ABCC1: variants seen among roughly 807,000 people sequenced by gnomAD.
The protein encoded by ABCC1 is multidrug resistance-associated protein 1.
In ABCC1, 83 loss-of-function variants were observed where a neutral mutation model predicts 172.9. The ratio of observed to expected loss-of-function variants is 0.48; its 90% CI spans 0.40 to 0.58. The LOEUF (loss-of-function observed/expected upper bound fraction) is 0.58. Ranked by LOEUF, ABCC1 falls within the 20% of genes least tolerant of loss-of-function variation. ABCC1 has a pLI of 0.00. For synonymous variants in ABCC1, 937 were observed against 825.2 expected (o/e 1.14, Z -2.32); for missense variants, 1,817 against 2,002.7 (o/e 0.91, Z 1.77).
At chr16:15,955,560 T>C (rs1265913278) in intron 1 of ABCC1, among the ~76,000 whole-genome samples, 1 of 152,164 alleles carries the variant, frequency 6.6e-6, no homozygotes, top group Non-Finnish European at 1.5e-5. Context: ...GGCTGCTTTC[T>C]GTCTCACTCT....
chr16:16,045,023 A>G (rs2049144677), intron 8 of ABCC1, among the ~76,000 whole-genome samples: 1 of 152,132 alleles, frequency 6.6e-6, no homozygotes, highest in African/African-American at 2.4e-5. Context: ...GAAACCCACT[A>G]GGCTCCCCTA....
intron 16 of ABCC1, among the ~76,000 whole-genome samples, chr16:16,080,536 G>C (rs2050766099): frequency 6.6e-6 from 1 of 152,152 alleles, no homozygotes; most frequent in Non-Finnish European, 1.5e-5. Flanking sequence ...CCTTTTCCTA[G>C]TGTAACGACA....
chr16:16,009,561 G>A (rs1326079833), intron 2 of ABCC1, among the ~76,000 whole-genome samples: 7 of 152,162 alleles, frequency 4.6e-5, no homozygotes, highest in Non-Finnish European at 1.0e-4. Context: ...GGGCGTAGCA[G>A]GCTGATTACA....
In ABCC1 at chr16:16,136,534, C is replaced by T; in HGVS notation, c.4182C>T (p.Tyr1394=). 6.2e-7 allele frequency: 1 copy of T among 1,614,188 alleles called. No homozygotes were observed. The highest frequency in any genetic ancestry group is 8.5e-7 in the Non-Finnish European group (1 of 1,180,038). ...TGAACCTGGACCCATTCAGCCAGTA[C>T]TCGGATGAAGAAGTCTGGACGTCCC... ...LRMNLDPFSQ[Y]SDEEVWTSLE... Residue 1394 remains tyrosine (Y), a synonymous_variant, in exon 29 of 31, where the codon TAC becomes TAT. Coordinates refer to ENST00000399410, the MANE Select transcript of ABCC1 (RefSeq NM_004996.4).
Position 16,029,877 on chromosome 16 carries a change from A to G in ABCC1, c.616-3232A>G, listed in dbSNP as rs1009378972. Among the ~76,000 whole-genome samples the G allele has an allele frequency of 2.6e-5, 4 of 152,312 alleles. 1 individual carries two copies. The Middle Eastern group carries it at 0.014, about 518-fold the overall frequency. On this transcript the variant is annotated intron_variant, in intron 5 of 30. Coordinates refer to ENST00000399410, the MANE Select transcript of ABCC1 (RefSeq NM_004996.4). ...CAAAAAACATGTATATGTGACTGTA[A>G]TACTAACTTTAATAATAATTCATTA... is the stretch of plus-strand genomic sequence containing the variant.
intron 19 of ABCC1, among the ~76,000 whole-genome samples, chr16:16,094,709 G>T (rs1295103605): frequency 6.6e-6 from 1 of 150,478 alleles, no homozygotes; most frequent in African/African-American, 2.4e-5. Flanking sequence ...TAGAAACGGG[G>T]TTTCACCGTG....
At chr16:16,056,526 G>A (rs1011828318) in intron 12 of ABCC1, 12 of 556,060 alleles carry the variant, frequency 2.2e-5, no homozygotes, top group Non-Finnish European at 3.5e-5. Flanking sequence ...AAAATAAGCC[G>A]GGTGTGGTGG....
At chr16:16,066,581 A>T (rs1417690251) in intron 12 of ABCC1, among the ~76,000 whole-genome samples, 1 of 152,102 alleles carries the variant, frequency 6.6e-6, no homozygotes, top group African/African-American at 2.4e-5. Flanking sequence ...TATCATGTAG[A>T]TACATGTAGA....
chr16:16,052,009 T>A (rs2049450049), intron 10 of ABCC1, among the ~76,000 whole-genome samples: 1 of 152,138 alleles, frequency 6.6e-6, no homozygotes, highest in Non-Finnish European at 1.5e-5. Context: ...GGTGGGAAAG[T>A]CGCTTGAGCC....
intron 15 of ABCC1, 142 bp downstream of exon 15, chr16:16,076,543 T>A: frequency 1.3e-6 from 1 of 756,542 alleles, no homozygotes; most frequent in Non-Finnish European, 2.1e-6. Flanking sequence ...CTTACCCATC[T>A]GGACAATGGG....
chr16:15,981,162 G>C (rs994890775), intron 1 of ABCC1, among the ~76,000 whole-genome samples: 1 of 152,220 alleles, frequency 6.6e-6, no homozygotes, highest in Admixed American at 6.5e-5. Context: ...CCCCATCAAG[G>C]GGCTTTCACG....
chr16:16,002,289 A>G (rs1458604019), intron 1 of ABCC1, among the ~76,000 whole-genome samples: 3 of 152,198 alleles, frequency 2.0e-5, no homozygotes, highest in African/African-American at 7.2e-5. Context: ...TTGATAACAG[A>G]AGATGTATAT....
intron 1 of ABCC1, among the ~76,000 whole-genome samples, chr16:15,991,370 A>G (rs1264443657): frequency 1.3e-5 from 2 of 152,092 alleles, no homozygotes; most frequent in Non-Finnish European, 2.9e-5. Context: ...TTGGCAAAAC[A>G]GAGCGCCACT....
chr16:16,069,141 G>GT (rs2050225965), intron 13 of ABCC1, among the ~76,000 whole-genome samples: 1 of 134,400 alleles, frequency 7.4e-6, no homozygotes, highest in Non-Finnish European at 1.6e-5. Context: ...AACCCTGTAT[G>GT]TAAAAAAAAA....
intron 7 of ABCC1, among the ~76,000 whole-genome samples, chr16:16,037,865 G>A (rs2048816815): frequency 6.6e-6 from 1 of 152,198 alleles, no homozygotes; most frequent in Admixed American, 6.5e-5. Flanking sequence ...TCCGGTCGGA[G>A]GCTGTTTGGG....
At chr16:16,078,991 T>C (rs2050697811) in intron 15 of ABCC1, among the ~76,000 whole-genome samples, 1 of 152,162 alleles carries the variant, frequency 6.6e-6, no homozygotes. Context: ...CCCCAGTTTG[T>C]CTTGAGGTGT....
intron 1 of ABCC1, among the ~76,000 whole-genome samples, chr16:15,951,340 C>T (rs1451631763): frequency 2.0e-5 from 3 of 151,956 alleles, no homozygotes; most frequent in Non-Finnish European, 2.9e-5. Flanking sequence ...GTTTGGGGTG[C>T]GCTTTGTTTA....
intron 30 of ABCC1, among the ~76,000 whole-genome samples, chr16:16,139,611 C>CAAAAAAAAAAAAA (rs386384360): frequency 8.7e-5 from 5 of 57,330 alleles, no homozygotes; most frequent in African/African-American, 2.4e-4. Context: ...GACTCCATCT[C>CAAAAAAAAAAAAA]AAAAAAAAAA....
chr16:16,039,931 A>G (rs1177126722), intron 7 of ABCC1, among the ~76,000 whole-genome samples: 1 of 151,988 alleles, frequency 6.6e-6, no homozygotes, highest in Non-Finnish European at 1.5e-5. Context: ...GAAAGGGAGG[A>G]GATGAAGCAG....
Sources: allele counts gnomAD v4.1 joint callset (sites outside exome capture counted in the v4.1 genomes callset), GRCh38; gene constraint gnomAD v4.1.1; transcripts MANE v1.5; gene names NCBI Gene and HGNC (gene_info 2026-07-23, HGNC 2026-07-21).